The following DOCK3 variants were observed in gnomAD, a reference collection of about 807,000 sequenced individuals.
The protein encoded by DOCK3 is dedicator of cytokinesis protein 3.
In DOCK3, 60 loss-of-function variants were observed where a neutral mutation model predicts 265.6. The observed-to-expected ratio is 0.23, with a 90% CI of 0.18 to 0.28. DOCK3 has a LOEUF of 0.28. Among genes scored for constraint, DOCK3 ranks in the 10% least tolerant of loss-of-function variants. The pLI is 1.00. For missense variants in DOCK3, 1,981 were observed against 2,594.3 expected, an observed-to-expected ratio of 0.76 and a Z score of 5.14; for synonymous variants, 881 against 938.0, an observed-to-expected ratio of 0.94 and a Z score of 1.11.
At chr3:51,244,954 AT>A (rs1300348453) in intron 21 of DOCK3, among the ~76,000 whole-genome samples, 4 of 152,246 alleles carry the variant, frequency 2.6e-5, no homozygotes, top group Non-Finnish European at 4.4e-5. Context: ...CCACAAAAAA[AT>A]GTCAAAGAAT....
chr3:51,080,059 A>G (rs2082175477), intron 7 of DOCK3, among the ~76,000 whole-genome samples: 1 of 152,234 alleles, frequency 6.6e-6, no homozygotes. Flanking sequence ...AAAAATCAGT[A>G]ATTGTATATG....
At chr3:50,731,868 C>T (rs577569607) in intron 1 of DOCK3, among the ~76,000 whole-genome samples, 1 of 151,926 alleles carries the variant, frequency 6.6e-6, no homozygotes, top group South Asian at 2.1e-4. Context: ...TAGTTAATGC[C>T]AATAAAGCAA....
chr3:50,777,269 G>A (rs2041659974), intron 1 of DOCK3, among the ~76,000 whole-genome samples: 3 of 151,994 alleles, frequency 2.0e-5, no homozygotes, highest in Admixed American at 2.0e-4. Context: ...TCTGGGTTCT[G>A]TATTTTTTTC....
At chr3:50,944,186 T>A (rs887422292) in intron 5 of DOCK3, among the ~76,000 whole-genome samples, 1 of 152,232 alleles carries the variant, frequency 6.6e-6, no homozygotes, top group Non-Finnish European at 1.5e-5. Context: ...GTATTATATG[T>A]ATTTAAAGCA....
chr3:50,971,004 T>C, intron 5 of DOCK3, among the ~76,000 whole-genome samples: 1 of 45,500 alleles, frequency 2.2e-5, no homozygotes, highest in Non-Finnish European at 4.8e-5. Flanking sequence ...TTTTTAATTT[T>C]TTTTTTTTGA....
intron 5 of DOCK3, among the ~76,000 whole-genome samples, chr3:50,991,120 A>G (rs1225070248): frequency 6.6e-6 from 1 of 152,228 alleles, no homozygotes; most frequent in Non-Finnish European, 1.5e-5. Flanking sequence ...CACTAAATGT[A>G]GAAAGGAAAG....
intron 6 of DOCK3, among the ~76,000 whole-genome samples, chr3:51,066,818 T>G (rs2081606475): frequency 6.6e-6 from 1 of 152,214 alleles, no homozygotes; most frequent in Non-Finnish European, 1.5e-5. Context: ...GCCACAACTT[T>G]ATATCTTTGT....
At chr3:51,209,753 G>T (rs887167310) in intron 13 of DOCK3, among the ~76,000 whole-genome samples, 3 of 152,216 alleles carry the variant, frequency 2.0e-5, no homozygotes, top group Non-Finnish European at 4.4e-5. Context: ...CTCTGTTGGG[G>T]TGAGCAGATA....
At chr3:51,264,459 A>G (rs977382919) in intron 23 of DOCK3, among the ~76,000 whole-genome samples, 8 of 152,198 alleles carry the variant, frequency 5.3e-5, no homozygotes, top group African/African-American at 4.8e-5. Context: ...GGAAATATCT[A>G]AAATTGACAC....
chr3:51,131,331 T>C (rs905126083), intron 9 of DOCK3, among the ~76,000 whole-genome samples: 2 of 152,156 alleles, frequency 1.3e-5, no homozygotes, highest in African/African-American at 4.8e-5. Flanking sequence ...CAGTGTCTAG[T>C]AGTACCCAAA....
At chr3:51,184,316 C>A (rs893930373) in intron 12 of DOCK3, among the ~76,000 whole-genome samples, 691 of 137,340 alleles carry the variant, frequency 5.0e-3, no homozygotes, top group Non-Finnish European at 6.1e-3. Context: ...TGCTTTGAAA[C>A]AAAAAAAAAA....
intron 5 of DOCK3, among the ~76,000 whole-genome samples, chr3:50,983,203 G>T (rs2077761762): frequency 1.3e-5 from 2 of 152,148 alleles, no homozygotes; most frequent in African/African-American, 4.8e-5. Context: ...GGGGCTGAGG[G>T]CGGCTCTGGT....
At chr3:51,228,900 C>T in intron 18 of DOCK3, 68 bp downstream of exon 18, 1 of 1,507,796 alleles carries the variant, frequency 6.6e-7, no homozygotes, top group Admixed American at 2.1e-5. Flanking sequence ...ACTACTAGCG[C>T]ATGTGAAGGG....
chr3:50,976,771 G>T (rs2077466926), intron 5 of DOCK3, among the ~76,000 whole-genome samples: 1 of 148,848 alleles, frequency 6.7e-6, no homozygotes, highest in Non-Finnish European at 1.5e-5. Flanking sequence ...TTAATGTGTG[G>T]GAGTCTAAGT....
intron 17 of DOCK3, 30 bp downstream of exon 17, chr3:51,228,118 C>T (rs1164375804): frequency 6.2e-7 from 1 of 1,604,808 alleles, no homozygotes. Flanking sequence ...TTCATCCCCA[C>T]CCCTTACCTG....
At chr3:50,700,613 C>A (rs1175509757) in intron 1 of DOCK3, among the ~76,000 whole-genome samples, 2 of 152,056 alleles carry the variant, frequency 1.3e-5, no homozygotes, top group African/African-American at 4.8e-5. Context: ...GGCAGGATTT[C>A]ATTATTTTTT....
At chr3:50,772,118 A>G (rs1166661667) in intron 1 of DOCK3, among the ~76,000 whole-genome samples, 1 of 152,238 alleles carries the variant, frequency 6.6e-6, no homozygotes, top group Non-Finnish European at 1.5e-5. Context: ...ATCATAAAGA[A>G]GAATGAGATC....
chr3:51,032,521 T>A (rs2080092309), intron 5 of DOCK3, among the ~76,000 whole-genome samples: 1 of 152,142 alleles, frequency 6.6e-6, no homozygotes, highest in African/African-American at 2.4e-5. Context: ...TGCATGATTA[T>A]TTTTTTCTTC....
chr3:51,170,662 C>G (rs1010463992), intron 12 of DOCK3, among the ~76,000 whole-genome samples: 4 of 152,022 alleles, frequency 2.6e-5, no homozygotes, highest in African/African-American at 9.7e-5. Context: ...AAAGATTTGT[C>G]AGCCGGGCGC....
Sources: gnomAD v4.1 joint callset for allele counts (sites outside exome capture counted in the v4.1 genomes callset) on GRCh38, gnomAD v4.1.1 for gene constraint, MANE v1.5 for transcripts, NCBI Gene and HGNC (gene_info 2026-07-23, HGNC 2026-07-21) for gene names.